Variants in CTNNA2 observed in about 807,000 individuals in gnomAD.
The protein encoded by CTNNA2 is catenin alpha-2.
A neutral mutation model predicts 101.0 loss-of-function variants in CTNNA2; 42 were observed. The observed-to-expected ratio is 0.42, with a 90% CI of 0.32 to 0.54. The LOEUF is 0.54. Among genes scored for constraint, CTNNA2 ranks in the 20% least tolerant of loss-of-function variants. CTNNA2 has a pLI of 0.14. For missense variants in CTNNA2, 871 were observed against 1,223.1 expected, an observed-to-expected ratio of 0.71 and a Z score of 4.29; for synonymous variants, 450 against 456.4, an observed-to-expected ratio of 0.99 and a Z score of 0.18.
At chr2:79,756,192 C>A (rs1224880644) in intron 3 of CTNNA2, among the ~76,000 whole-genome samples, 1 of 152,104 alleles carries the variant, frequency 6.6e-6, no homozygotes, top group African/African-American at 2.4e-5. Context: ...ATGCTATATT[C>A]TTTCAGCAAA....
chr2:79,203,601 A>T (rs1010140285), intron 2 of CTNNA2, among the ~76,000 whole-genome samples: 2 of 152,236 alleles, frequency 1.3e-5, no homozygotes, highest in African/African-American at 4.8e-5. Context: ...GCCCAGAAGC[A>T]TGTATGATAG....
At chr2:79,985,415 C>G (rs2103860676) in intron 7 of CTNNA2, among the ~76,000 whole-genome samples, 1 of 151,562 alleles carries the variant, frequency 6.6e-6, no homozygotes, top group East Asian at 1.9e-4. Flanking sequence ...GTGCCTTTTC[C>G]TTATGTGTGC....
intron 4 of CTNNA2, 98 bp from the exon 5 acceptor site, chr2:79,869,718 A>G: frequency 2.1e-6 from 3 of 1,441,504 alleles, no homozygotes; most frequent in Admixed American, 4.5e-5. Context: ...AACACATACT[A>G]GTGTTTTAGA....
chr2:80,481,692 A>G (rs1686160634), intron 9 of CTNNA2, among the ~76,000 whole-genome samples: 1 of 152,116 alleles, frequency 6.6e-6, no homozygotes, highest in Non-Finnish European at 1.5e-5. Flanking sequence ...TCAGATAGAA[A>G]CAAAGCAGTC....
At chr2:79,932,953 TG>T (rs1687547226) in intron 7 of CTNNA2, among the ~76,000 whole-genome samples, 1 of 152,238 alleles carries the variant, frequency 6.6e-6, no homozygotes, top group Non-Finnish European at 1.5e-5. Context: ...CTTTGAAGTG[TG>T]TGTTTCACCA....
chr2:79,196,328 C>G (rs1478503655), intron 1 of CTNNA2, among the ~76,000 whole-genome samples: 1 of 152,056 alleles, frequency 6.6e-6, no homozygotes, highest in African/African-American at 2.4e-5. Flanking sequence ...ATTCTCCTGC[C>G]AAGTAGTGAT....
chr2:79,385,594 C>T (rs906625781), intron 4 of CTNNA2, among the ~76,000 whole-genome samples: 2 of 151,708 alleles, frequency 1.3e-5, no homozygotes, highest in African/African-American at 4.9e-5. Flanking sequence ...TATATATGTG[C>T]CATGGTGGTT....
intron 2 of CTNNA2, among the ~76,000 whole-genome samples, chr2:79,274,156 T>C (rs1675152001): frequency 6.6e-6 from 1 of 152,116 alleles, no homozygotes; most frequent in Non-Finnish European, 1.5e-5. Flanking sequence ...TGATATTTCA[T>C]GTAATTTTAG....
chr2:79,227,088 A>G (rs556700007), intron 2 of CTNNA2, among the ~76,000 whole-genome samples: 2 of 152,286 alleles, frequency 1.3e-5, no homozygotes, highest in South Asian at 2.1e-4. Flanking sequence ...GGGTTATCAC[A>G]TTCAGCAGTC....
intron 6 of CTNNA2, among the ~76,000 whole-genome samples, chr2:79,894,986 C>T (rs1188448868): frequency 6.6e-6 from 1 of 152,176 alleles, no homozygotes; most frequent in African/African-American, 2.4e-5. Context: ...ATATGCCATA[C>T]CAATCACAAT....
chr2:79,271,671 C>T (rs1049628087), intron 2 of CTNNA2, among the ~76,000 whole-genome samples: 5 of 151,910 alleles, frequency 3.3e-5, no homozygotes, highest in African/African-American at 1.2e-4. Flanking sequence ...GAAGTGTTCC[C>T]CTCTCTACTT....
chr2:79,866,428 C>T (rs1164313526), intron 4 of CTNNA2: 3 of 152,208 alleles, frequency 2.0e-5, no homozygotes, highest in Admixed American at 2.0e-4. Flanking sequence ...ATCATGAGGG[C>T]ATTTTTAATG....
intron 2 of CTNNA2, among the ~76,000 whole-genome samples, chr2:79,311,408 CAAAA>C (rs753633073): frequency 0.019 from 1,306 of 66,988 alleles, 12 homozygotes; most frequent in Middle Eastern, 0.057. Context: ...GACTCCGTCT[CAAAA>C]AAAAAAAAAA....
At chr2:79,483,798 A>T (rs1014085141) in intron 4 of CTNNA2, among the ~76,000 whole-genome samples, 4 of 152,166 alleles carry the variant, frequency 2.6e-5, no homozygotes, top group Admixed American at 6.5e-5. Flanking sequence ...CATTTTCTTT[A>T]TCCACCTGTT....
chr2:79,328,317 G>A lies in CTNNA2; in HGVS notation c.-318+15521G>A, dbSNP rs371684186. On this transcript the variant is annotated intron_variant, in intron 3 of 21. Coordinates refer to the CTNNA2 transcript ENST00000466387. ...GAGAGAGAGCATCTGGGAAGACTGT[G>A]GAAGAGCATACAGAAGCATAAGAAG... Among the ~76,000 whole-genome samples the A allele has an allele frequency of 8.5e-5, 13 of 152,270 alleles. No individual in the cohort carries two copies. The South Asian group carries it at 2.7e-3, about 32-fold the overall frequency.
chr2:80,399,100 C>A, intron 8 of CTNNA2, among the ~76,000 whole-genome samples: 1 of 143,500 alleles, frequency 7.0e-6, no homozygotes, highest in Non-Finnish European at 1.5e-5. Flanking sequence ...TTAGCAGAGA[C>A]AGAGTTTCAC....
At chr2:79,953,836 C>T (rs1278288957) in intron 7 of CTNNA2, among the ~76,000 whole-genome samples, 1 of 152,118 alleles carries the variant, frequency 6.6e-6, no homozygotes, top group Non-Finnish European at 1.5e-5. Context: ...TCATTTCTAG[C>T]TCAGTGCTTA....
chr2:79,904,982 C>T (rs1214787103), intron 6 of CTNNA2, among the ~76,000 whole-genome samples: 1 of 152,098 alleles, frequency 6.6e-6, no homozygotes, highest in African/African-American at 2.4e-5. Context: ...TATAGAGCGC[C>T]ACATGAGAGC....
At chr2:80,097,246 T>A (rs1022019937) in intron 7 of CTNNA2, among the ~76,000 whole-genome samples, 1 of 152,330 alleles carries the variant, frequency 6.6e-6, no homozygotes, top group South Asian at 2.1e-4. Flanking sequence ...TGAAGTATTT[T>A]ATTTCTCCTT....
Sources: allele counts gnomAD v4.1 joint callset (sites outside exome capture counted in the v4.1 genomes callset), GRCh38; gene constraint gnomAD v4.1.1; transcripts MANE v1.5; gene names NCBI Gene and HGNC (gene_info 2026-07-23, HGNC 2026-07-21).